The following DLGAP2 variants were observed in gnomAD, a reference collection of about 807,000 sequenced individuals.
DLGAP2 encodes disks large-associated protein 2.
DLGAP2 carries 26 observed loss-of-function variants against 100.3 expected under a neutral mutation model. The observed-to-expected ratio is 0.26, with a 90% CI of 0.19 to 0.36. DLGAP2 has a LOEUF of 0.36. Among genes scored for constraint, DLGAP2 ranks in the 10% least tolerant of loss-of-function variants. The probability of loss-of-function intolerance (pLI) is 1.00; values close to 1 mark genes in which losing one functional copy is unlikely to be tolerated. For missense variants in DLGAP2, 1,858 were observed against 1,453.2 expected (o/e 1.28, Z -4.53); for synonymous variants, 886 against 630.1 (o/e 1.41, Z -6.08).
chr8:994,336 G>A (rs1182934046), intron 2 of DLGAP2, among the ~76,000 whole-genome samples: 1 of 152,156 alleles, frequency 6.6e-6, no homozygotes, highest in Non-Finnish European at 1.5e-5. Context: ...GAGTAGCTGG[G>A]ATTACAGGCA....
At chr8:1,688,338 CGACA>C (rs1345067292) in intron 12 of DLGAP2, 1 of 152,204 alleles carries the variant, frequency 6.6e-6, no homozygotes, top group Non-Finnish European at 1.5e-5. Flanking sequence ...TTAAGATGCC[CGACA>C]GACAACCTTC....
intron 3 of DLGAP2, among the ~76,000 whole-genome samples, chr8:1,265,978 A>G (rs1298210664): frequency 6.6e-6 from 1 of 152,220 alleles, no homozygotes; most frequent in African/African-American, 2.4e-5. Context: ...AGCTATAAGA[A>G]CCATCTACTT....
chr8:982,576 A>G (rs548431772), intron 2 of DLGAP2, among the ~76,000 whole-genome samples: 2 of 152,328 alleles, frequency 1.3e-5, no homozygotes, highest in South Asian at 2.1e-4. Flanking sequence ...CCAACTTGCT[A>G]TGGAGGGAAG....
chr8:1,436,678 A>G (rs1389965175), intron 3 of DLGAP2, among the ~76,000 whole-genome samples: 3 of 152,272 alleles, frequency 2.0e-5, no homozygotes, highest in East Asian at 3.9e-4. Context: ...TAGAGTCTAC[A>G]GTAGCATACA....
intron 1 of DLGAP2, among the ~76,000 whole-genome samples, chr8:793,487 C>T (rs60418207): frequency 3.0e-4 from 46 of 152,272 alleles, no homozygotes; most frequent in African/African-American, 8.9e-4. Flanking sequence ...TTGGCTTCCC[C>T]GCACCACGCT....
chr8:787,639 G>C (rs1821908408), intron 1 of DLGAP2, among the ~76,000 whole-genome samples: 1 of 152,198 alleles, frequency 6.6e-6, no homozygotes, highest in African/African-American at 2.4e-5. Context: ...CCAGCCGGTG[G>C]CCTCTTCCCC....
intron 2 of DLGAP2, among the ~76,000 whole-genome samples, chr8:1,173,307 A>T (rs7832141): frequency 6.6e-6 from 1 of 152,200 alleles, no homozygotes; most frequent in African/African-American, 2.4e-5. Context: ...GGGTGCCTCC[A>T]GTTAGGCTGC....
At chr8:1,469,092 C>T (rs978805480) in intron 3 of DLGAP2, among the ~76,000 whole-genome samples, 4 of 151,970 alleles carry the variant, frequency 2.6e-5, no homozygotes, top group Admixed American at 2.6e-4. Flanking sequence ...TCCTGTCATT[C>T]ATTCTATGAA....
rs140770991 is a variant in DLGAP2, at chr8:1,287,017, C to A, written c.106+28134C>A. Reference sequence around the variant, plus strand: ...AGAAGGTCAGTTTTATAACGTGAACCAGCTGCTTCATTTGTTCAACTCAGT... The same window carrying A: ...AGAAGGTCAGTTTTATAACGTGAACAAGCTGCTTCATTTGTTCAACTCAGT... On this transcript the variant is annotated intron_variant, in intron 3 of 14. Coordinates refer to ENST00000637795, the MANE Select transcript of DLGAP2 (RefSeq NM_001346810.2). Among the ~76,000 whole-genome samples the A allele has an allele frequency of 4.1e-4, 63 of 152,330 alleles. 3 individuals are homozygous for A. The East Asian group carries it at 0.012, about 29-fold the overall frequency.
At chr8:1,538,336 C>T (rs980700620) in intron 4 of DLGAP2, among the ~76,000 whole-genome samples, 10 of 152,176 alleles carry the variant, frequency 6.6e-5, no homozygotes, top group Non-Finnish European at 1.5e-4. Context: ...TGTCCGTTCC[C>T]CCAATTTCAT....
rs1277083812 is a variant in DLGAP2 at position 785,804 on chromosome 8, TC to T, written c.18+47981del. On this transcript the variant is annotated intron_variant, in intron 1 of 14. Coordinates refer to ENST00000637795, the MANE Select transcript of DLGAP2 (RefSeq NM_001346810.2). ...CAGGCCCCTCTGAGACCGGCCTCCC[TC>T]CTCCCCTCAGGCTCCTCTGAGACCG... Among the ~76,000 whole-genome samples the T allele has an allele frequency of 2.0e-3, 69 of 34,438 alleles. 5 individuals carry two copies. The highest frequency in any genetic ancestry group is 7.3e-3 in the African/African-American group (64 of 8,808). The allele number at this position is 34,438 out of a possible 152,430, so 22.6% of individuals were successfully genotyped here.
intron 2 of DLGAP2, among the ~76,000 whole-genome samples, chr8:919,810 G>A (rs1204046116): frequency 6.6e-6 from 1 of 152,168 alleles, no homozygotes; most frequent in Non-Finnish European, 1.5e-5. Context: ...TGCTCTCTGT[G>A]GTGTCTGGAA....
intron 1 of DLGAP2, among the ~76,000 whole-genome samples, chr8:867,111 G>A (rs1001538709): frequency 1.1e-4 from 17 of 152,334 alleles, no homozygotes; most frequent in Middle Eastern, 3.4e-3. Flanking sequence ...CCTACCGGCC[G>A]TCACCGTGGG....
chr8:1,356,544 C>T (rs1023408602), intron 3 of DLGAP2, among the ~76,000 whole-genome samples: 19 of 152,108 alleles, frequency 1.2e-4, no homozygotes, highest in South Asian at 4.1e-4. Flanking sequence ...GCTCCTCCCT[C>T]GGGGTCCACA....
At chr8:753,153 G>A (rs1037510057) in intron 1 of DLGAP2, among the ~76,000 whole-genome samples, 1 of 152,214 alleles carries the variant, frequency 6.6e-6, no homozygotes, top group Non-Finnish European at 1.5e-5. Context: ...CTGGTGGGAC[G>A]CAGACCTGAC....
chr8:749,575 C>T lies in DLGAP2; in HGVS notation c.18+11750C>T, dbSNP rs183752817. Among the ~76,000 whole-genome samples, 37 of 152,148 alleles carry T rather than the reference C, an allele frequency of 2.4e-4. No individual in the cohort carries two copies. The East Asian group carries it at 6.9e-3, about 29-fold the overall frequency. ...CCGTATGGAGTGTGATTAAAACTTTCCCCTATTGTTTGACATTTCAGTTAC... is the reference window on the plus strand; with the variant it reads ...CCGTATGGAGTGTGATTAAAACTTTTCCCTATTGTTTGACATTTCAGTTAC... On this transcript the variant is annotated intron_variant, in intron 1 of 14. Coordinates refer to ENST00000637795, the MANE Select transcript of DLGAP2 (RefSeq NM_001346810.2).
intron 3 of DLGAP2, among the ~76,000 whole-genome samples, chr8:1,477,487 G>A (rs1454673614): frequency 6.6e-6 from 1 of 152,188 alleles, no homozygotes; most frequent in East Asian, 1.9e-4. Flanking sequence ...TAACTTTGAG[G>A]AACCTTGCTC....
At chr8:1,228,687 A>C (rs1382362457) in intron 2 of DLGAP2, among the ~76,000 whole-genome samples, 2 of 152,240 alleles carry the variant, frequency 1.3e-5, no homozygotes, top group East Asian at 3.8e-4. Flanking sequence ...AAAGGGGAAA[A>C]TGACATCAAC....
intron 4 of DLGAP2, among the ~76,000 whole-genome samples, chr8:1,526,091 G>T (rs981775402): frequency 1.3e-5 from 2 of 151,622 alleles, no homozygotes; most frequent in East Asian, 2.0e-4. Context: ...CAGCCAGTAA[G>T]TTTCAGATTT....
Sources: gnomAD v4.1 joint callset for allele counts (sites outside exome capture counted in the v4.1 genomes callset) on GRCh38, gnomAD v4.1.1 for gene constraint, MANE v1.5 for transcripts, NCBI Gene and HGNC (gene_info 2026-07-23, HGNC 2026-07-21) for gene names.